DENND2C: variants seen among roughly 807,000 people sequenced by gnomAD.
The protein encoded by DENND2C is DENN domain-containing protein 2C.
A neutral mutation model predicts 112.4 loss-of-function variants in DENND2C; 72 were observed. That is an observed-to-expected ratio of 0.64 (90% CI 0.53 to 0.78). DENND2C has a LOEUF of 0.78. DENND2C is among the 30% of genes least tolerant of loss of function. The probability of loss-of-function intolerance (pLI) is 0.00; values close to 1 mark genes in which losing one functional copy is unlikely to be tolerated. For missense variants in DENND2C, 992 were observed against 1,113.8 expected (o/e 0.89, Z 1.56); for synonymous variants, 329 against 381.6 (o/e 0.86, Z 1.61).
chr1:114,631,300 CAGG>C (rs1276911092), intron 3 of DENND2C, among the ~76,000 whole-genome samples: 1 of 151,944 alleles, frequency 6.6e-6, no homozygotes, highest in Non-Finnish European at 1.5e-5. Flanking sequence ...TGCTTGTACA[CAGG>C]AGGAGGAGGT....
At chr1:114,593,894 T>C (rs1655265116) in intron 18 of DENND2C, among the ~76,000 whole-genome samples, 1 of 152,188 alleles carries the variant, frequency 6.6e-6, no homozygotes, top group Non-Finnish European at 1.5e-5. Flanking sequence ...ACCTGCTTCA[T>C]AAAGATAAAA....
rs779034840 is a variant in DENND2C at position 114,623,048 on chromosome 1, A to G, written c.995T>C (p.Met332Thr). 25 of 1,613,278 alleles carry G rather than the reference A, an allele frequency of 1.5e-5. No individual in the cohort carries two copies. Among genetic ancestry groups the G allele is most frequent in the Non-Finnish European group, 2.1e-5 (25 of 1,179,620 alleles). ...YEDIPVQPLP[M>T]WRSPSAWKLP... is the part of the protein sequence containing the mutation. ...CTTCCATGCTGAAGGGGATCTCCAC[A>G]TAGGTAAAGGCTGCACTGGAATATC... The change falls in exon 6 of 21, where the codon ATG (methionine) becomes ACG (threonine). Residue 332 changes from methionine to threonine, a missense_variant. This residue lies in a region of DENND2C where 470 missense variants were observed against 472.7 expected (regional missense o/e 0.99). Coordinates refer to ENST00000393274, the MANE Select transcript of DENND2C (RefSeq NM_001256404.2).
Position 114,602,201 on chromosome 1 carries a change from A to C in DENND2C, c.1668-7T>G, listed in dbSNP as rs1655531749. ...GACAAAGGAGAATGTTTCACTGAAA[A>C]AAGAGCCAATAGTTAGTTTAGGATC... is the stretch of plus-strand genomic sequence containing the variant. On this transcript the variant is annotated splice_region_variant and splice_polypyrimidine_tract_variant and intron_variant, in intron 11 of 20. Coordinates refer to ENST00000393274, the MANE Select transcript of DENND2C (RefSeq NM_001256404.2). 6.2e-7 allele frequency: 1 copy of C among 1,613,236 alleles called. No individual in the cohort carries two copies. The highest frequency in any genetic ancestry group is 8.5e-7 in the Non-Finnish European group (1 of 1,179,562).
In DENND2C at chr1:114,585,648, G is replaced by C; in HGVS notation, c.2756-17C>G. ...TTTTGCTTCCTAAAGGGAAAGAAAA[G>C]TACAGTGAATGCTCAATTCATTTTT... On this transcript the variant is annotated splice_polypyrimidine_tract_variant and intron_variant, in intron 20 of 20. Transcript: ENST00000393274. The C allele has an allele frequency of 6.2e-7, 1 of 1,611,778 alleles. No homozygotes were observed. The highest frequency in any genetic ancestry group is 8.5e-7 in the Non-Finnish European group (1 of 1,178,046).
In DENND2C at chr1:114,625,928, T is replaced by G. The variant is rs1485396779; in HGVS notation, c.57A>C (p.Lys19Asn). ...ATTGAGAAATTTTTTGTTTGATGTT[T>G]TTGCAGTGGCTTCTTGACAGTGTCT... ...TVQTLSRSHC[K>N]NIKQKISQWE... is the part of the protein sequence containing the mutation. The change falls in exon 4 of 21, where the codon AAA (lysine) becomes AAC (asparagine). Residue 19 changes from lysine (K) to asparagine (N), a missense_variant. Lys to Asn is a moderately conservative substitution (Grantham distance 94). Around this residue, in one of 3 missense-constraint regions of DENND2C, gnomAD observed 470 missense variants for 472.7 expected, o/e 0.99. Transcript: ENST00000393274. 6.2e-7 allele frequency: 1 copy of G among 1,614,090 alleles called. No individual in the cohort carries two copies. The highest frequency in any genetic ancestry group is 1.7e-5 in the Admixed American group (1 of 60,024).
chr1:114,668,868 C>T (rs1365131897), intron 1 of DENND2C, among the ~76,000 whole-genome samples: 1 of 152,102 alleles, frequency 6.6e-6, no homozygotes, highest in Non-Finnish European at 1.5e-5. Context: ...AACAATATTC[C>T]CAGCTTACTT....
intron 18 of DENND2C, among the ~76,000 whole-genome samples, chr1:114,592,973 G>A (rs1306614982): frequency 6.6e-6 from 1 of 152,086 alleles, no homozygotes; most frequent in Non-Finnish European, 1.5e-5. Context: ...CTTTTGCAAT[G>A]TCACACTCCT....
chr1:114,594,355 TCAG>T (rs1383588545), intron 18 of DENND2C, 115 bp downstream of exon 18: 1 of 807,854 alleles, frequency 1.2e-6, no homozygotes, highest in Non-Finnish European at 2.0e-6. Context: ...TATAGGATTT[TCAG>T]CGCACAGGCA....
intron 9 of DENND2C, among the ~76,000 whole-genome samples, 197 bp from the exon 10 acceptor site, chr1:114,609,070 T>C (rs559812752): frequency 1.3e-5 from 2 of 152,282 alleles, no homozygotes; most frequent in South Asian, 4.1e-4. Context: ...CCCTCACAAG[T>C]GTGCAGGGGC....
In DENND2C at chr1:114,621,879, G is replaced by C; in HGVS notation, c.1227+16C>G. 6.5e-7 allele frequency: 1 copy of C among 1,550,338 alleles called. No homozygotes were observed. The highest frequency in any genetic ancestry group is 8.7e-7 in the Non-Finnish European group (1 of 1,146,866). The stretch of plus-strand genomic sequence containing the variant: ...CTGAAGTAAGAGTCAAAGAATGAAA[G>C]CACTGGAGTCTTTACCCTTGGAAGA... On this transcript the variant is annotated intron_variant, in intron 7 of 20. Transcript: ENST00000393274.
intron 3 of DENND2C, among the ~76,000 whole-genome samples, chr1:114,635,008 A>G (rs1421368306): frequency 6.8e-6 from 1 of 148,084 alleles, no homozygotes; most frequent in Non-Finnish European, 1.5e-5. Context: ...AGCCTGAGTG[A>G]TAGAGTGAGA....
chr1:114,599,518 T>C (rs1655436210), intron 15 of DENND2C, 67 bp from the exon 16 acceptor site: 2 of 1,323,124 alleles, frequency 1.5e-6, no homozygotes, highest in Non-Finnish European at 2.0e-6. Flanking sequence ...TCAGTTATTA[T>C]GTTAAAGAAT....
chr1:114,609,001 C>T, intron 9 of DENND2C, 128 bp from the exon 10 acceptor site: 1 of 997,254 alleles, frequency 1.0e-6, no homozygotes. Flanking sequence ...GAATAACCAG[C>T]ATCTGCCACA....
intron 9 of DENND2C, 139 bp from the exon 10 acceptor site, chr1:114,609,012 T>A: frequency 1.1e-6 from 1 of 924,414 alleles, no homozygotes; most frequent in Non-Finnish European, 1.6e-6. Flanking sequence ...ATCTGCCACA[T>A]AGACATACCT....
intron 11 of DENND2C, among the ~76,000 whole-genome samples, chr1:114,603,579 C>A (rs146938726): frequency 0.011 from 1,656 of 151,742 alleles, 23 homozygotes; most frequent in Middle Eastern, 0.054. Flanking sequence ...CAGGGTCTTG[C>A]TCTGTTGCCC....
At chr1:114,640,661 T>C (rs1656810320) in intron 3 of DENND2C, among the ~76,000 whole-genome samples, 1 of 152,234 alleles carries the variant, frequency 6.6e-6, no homozygotes, top group Admixed American at 6.5e-5. Context: ...AGGACACGAA[T>C]CTTTAAAGAA....
At chr1:114,612,351 AT>A (rs376474647) in intron 8 of DENND2C, among the ~76,000 whole-genome samples, 1,397 of 139,096 alleles carry the variant, frequency 0.01, 4 homozygotes, top group Non-Finnish European at 0.011. Context: ...GCAGTTATAA[AT>A]TTTTTTTTTT....
chr1:114,632,216 A>C (rs981954608), intron 3 of DENND2C, among the ~76,000 whole-genome samples: 1 of 152,150 alleles, frequency 6.6e-6, no homozygotes, highest in Non-Finnish European at 1.5e-5. Context: ...GCAGAAATGA[A>C]GGGGTCGGGA....
intron 3 of DENND2C, among the ~76,000 whole-genome samples, chr1:114,633,630 A>G (rs1656561573): frequency 1.3e-5 from 2 of 152,026 alleles, no homozygotes; most frequent in African/African-American, 4.8e-5. Context: ...ATGGCTAAGA[A>G]GTCAACAAAG....
Sources: allele counts gnomAD v4.1 joint callset (sites outside exome capture counted in the v4.1 genomes callset), GRCh38; gene constraint gnomAD v4.1.1; regional missense constraint gnomAD v4.1.1; transcripts MANE v1.5; gene names NCBI Gene and HGNC (gene_info 2026-07-23, HGNC 2026-07-21).